The following PFKM variants were observed in gnomAD, a reference collection of about 807,000 sequenced individuals.
The protein encoded by PFKM is phosphofructokinase, muscle.
Under a neutral mutation model 95.5 loss-of-function variants are expected in PFKM, and 58 were observed. That is an observed-to-expected ratio of 0.61 (90% CI 0.49 to 0.76). The LOEUF (loss-of-function observed/expected upper bound fraction) is 0.76, where lower values mean the gene tolerates loss of function less well. Among genes scored for constraint, PFKM ranks in the 30% least tolerant of loss-of-function variants. The pLI is 0.00. For synonymous variants in PFKM, 336 were observed against 357.2 expected, an observed-to-expected ratio of 0.94 and a Z score of 0.67; for missense variants, 678 against 1,005.4, an observed-to-expected ratio of 0.67 and a Z score of 4.40.
intron 4 of PFKM, chr12:48,132,156 A>G (rs77452328): frequency 2.2e-6 from 1 of 449,954 alleles, no homozygotes; most frequent in East Asian, 7.0e-5. Context: ...TCCCAAAGTC[A>G]TGGCTGCCCA....
Position 48,134,814 on chromosome 12 carries a change from T to TCGCC in PFKM, c.733_736dup (p.Arg246ProfsTer20). 6.2e-7 allele frequency: 1 copy of TCGCC among 1,613,902 alleles called. No homozygotes were observed. Among genetic ancestry groups the TCGCC allele is most frequent in the Non-Finnish European group, 8.5e-7 (1 of 1,179,780 alleles). On this transcript the variant is annotated frameshift_variant, in exon 8 of 23. Transcript: ENST00000359794. LOFTEE classifies it high-confidence loss of function. The stretch of plus-strand genomic sequence containing the variant: ...ATGACGACTGGGAGGAACACCTTTG[T>TCGCC]CGCCGACTCAGCGAGGTACTTGCAC...
upstream of PFKM, among the ~76,000 whole-genome samples, chr12:48,117,434 A>G (rs1947770158): frequency 6.6e-6 from 1 of 152,232 alleles, no homozygotes; most frequent in South Asian, 2.1e-4. Context: ...TGACTGTACC[A>G]TTGTGCATTC....
At chr12:48,109,118 G>A (rs2137540368) in intron 3 of PFKM, among the ~76,000 whole-genome samples, 1 of 152,328 alleles carries the variant, frequency 6.6e-6, no homozygotes, top group South Asian at 2.1e-4. Context: ...TTATGATTAA[G>A]GACGGGAGAT....
chr12:48,139,986 A>C, intron 13 of PFKM, 74 bp downstream of exon 13: 1 of 968,516 alleles, frequency 1.0e-6, no homozygotes, highest in Non-Finnish European at 1.7e-6. Context: ...ATGCTACCAC[A>C]GTCCATACAA....
At chr12:48,108,101 A>G in exon 3 of PFKM, 11 of 1,599,486 alleles carry the variant, frequency 6.9e-6, no homozygotes, top group Non-Finnish European at 9.3e-6. Context: ...CAGCATGCTC[A>G]TACCAAAGCC....
intron 3 of PFKM, among the ~76,000 whole-genome samples, chr12:48,131,043 G>A (rs1949426513): frequency 6.6e-6 from 1 of 152,186 alleles, no homozygotes; most frequent in Non-Finnish European, 1.5e-5. Context: ...GGAGGAGATA[G>A]GATGAGCCAA....
At chr12:48,135,695 A>G (rs764404808) in intron 10 of PFKM, among the ~76,000 whole-genome samples, 2 of 152,210 alleles carry the variant, frequency 1.3e-5, no homozygotes, top group African/African-American at 4.8e-5. Context: ...AGAATAATAC[A>G]GAGGTAGTCC....
chr12:48,134,779 T>C lies in PFKM; in HGVS notation c.697T>C (p.Cys233Arg), dbSNP rs1949903763. Reference sequence around the variant, plus strand: ...GGCCGACTGGGTTTTTATTCCTGAATGTCCACCAGATGACGACTGGGAGGA... The same window carrying C: ...GGCCGACTGGGTTTTTATTCCTGAACGTCCACCAGATGACGACTGGGAGGA... Reference protein sequence around the residue: ...CGADWVFIPECPPDDDWEEHL... With the variant: ...CGADWVFIPERPPDDDWEEHL... The change falls in exon 8 of 23, where the codon TGT becomes CGT. Residue 233 changes from cysteine (C) to arginine (R), a missense_variant. Cys to Arg is a radical substitution (Grantham distance 180). Coordinates refer to ENST00000359794, the MANE Select transcript of PFKM (RefSeq NM_000289.6). The C allele has an allele frequency of 1.9e-6, 3 of 1,614,202 alleles. No homozygotes were observed. The highest frequency in any genetic ancestry group is 2.5e-6 in the Non-Finnish European group (3 of 1,180,012).
At chr12:48,139,758 T>G (rs1399175305) in intron 12 of PFKM, 91 bp from the exon 13 acceptor site, 1 of 904,198 alleles carries the variant, frequency 1.1e-6, no homozygotes, top group Admixed American at 1.8e-5. Flanking sequence ...GGAACTTCCC[T>G]CTGGGAGCAA....
chr12:48,141,304 C>T lies in PFKM; in HGVS notation c.1342-7C>T, dbSNP rs1592793920. ...CTTGTGCAGAGCTCTGTGGCTTATC[C>T]CCACAGATAGAGGAAGCTGGCTGGA... On this transcript the variant is annotated splice_region_variant and splice_polypyrimidine_tract_variant and intron_variant, in intron 14 of 22. Transcript: ENST00000359794. The T allele has an allele frequency of 2.5e-6, 4 of 1,613,318 alleles. No individual in the cohort carries two copies. Among genetic ancestry groups the T allele is most frequent in the Non-Finnish European group, 2.5e-6 (3 of 1,179,260 alleles).
At chr12:48,108,338 G>GAGAGAGAGAGAA (rs917224780) in intron 3 of PFKM, 1 of 514,138 alleles carries the variant, frequency 1.9e-6, no homozygotes, top group Admixed American at 3.5e-5. Context: ...GTGTGAAACA[G>GAGAGAGAGAGAA]AGAGAGAGAG....
intron 13 of PFKM, among the ~76,000 whole-genome samples, chr12:48,140,336 C>T (rs1950469937): frequency 1.3e-5 from 2 of 152,214 alleles, no homozygotes; most frequent in Admixed American, 6.5e-5. Context: ...CTGGGCCCCT[C>T]TCTCAGAGGA....
chr12:48,123,686 C>A (rs948243245), intron 2 of PFKM, among the ~76,000 whole-genome samples: 13 of 152,198 alleles, frequency 8.5e-5, no homozygotes, highest in African/African-American at 2.9e-4. Flanking sequence ...CACCACTGTT[C>A]CTAGGCTTTT....
At chr12:48,108,578 T>G (rs1449996170) in intron 3 of PFKM, among the ~76,000 whole-genome samples, 3 of 152,238 alleles carry the variant, frequency 2.0e-5, no homozygotes, top group Admixed American at 1.3e-4. Context: ...GTTGACTAAA[T>G]GAGTTATTAT....
At chr12:48,131,502 G>A in intron 4 of PFKM, 109 bp downstream of exon 4, 1 of 822,312 alleles carries the variant, frequency 1.2e-6, no homozygotes, top group Non-Finnish European at 2.1e-6. Context: ...TTCATGGGAA[G>A]GAATTCAGTG....
Position 48,145,983 on chromosome 12 carries a change from G to C in PFKM, c.*275G>C, listed in dbSNP as rs1951013570. 4.5e-6 allele frequency: 2 copies of C among 444,088 alleles called. No homozygotes were observed. The highest frequency in any genetic ancestry group is 6.0e-5 in the South Asian group (2 of 33,552). 27.5% of individuals were successfully genotyped at this position (444,088 alleles called of 1,614,324 possible). A position where few individuals can be genotyped will look rare whatever the true frequency, so the allele number is the denominator to read the frequency against. On this transcript the variant is annotated 3_prime_UTR_variant, in exon 23 of 23. Transcript: ENST00000359794. The surrounding 1 kb of genome is among the most constrained non-coding windows in gnomAD (Gnocchi z 4.3). ...CTGCTAGATATCACTTACTCAGTTA[G>C]AATTTTCCTAAAAATAAGCTTTATT...
intron 1 of PFKM, among the ~76,000 whole-genome samples, chr12:48,106,860 T>G (rs1265355349): frequency 6.6e-6 from 1 of 152,140 alleles, no homozygotes; most frequent in Non-Finnish European, 1.5e-5. Flanking sequence ...TGGGTAGAGA[T>G]AGAGAAGGAC....
chr12:48,137,726 C>G lies in PFKM; in HGVS notation c.942C>G (p.Ser314Arg). 6.2e-7 allele frequency: 1 copy of G among 1,614,114 alleles called. No homozygotes were observed. Among genetic ancestry groups the G allele is most frequent in the South Asian group, 1.1e-5 (1 of 91,084 alleles). ...TPSAFDRILG[S>R]RMGVEAVMAL... is the part of the protein sequence containing the mutation. ...TGTTCTCTGGGCTCCTGCAGGGCAG[C>G]AGGATGGGTGTGGAAGCAGTGATGG... Residue 314 changes from serine to arginine, a missense_variant, in exon 11 of 23, where the codon AGC becomes AGG. Ser to Arg is a moderately radical substitution (Grantham distance 110). Transcript: ENST00000359794.
exon 3 of PFKM, chr12:48,108,126 A>T (rs1216718797): frequency 6.3e-7 from 1 of 1,599,138 alleles, no homozygotes; most frequent in African/African-American, 1.3e-5. Context: ...CCAAAGACAG[A>T]CATCTTGAAG....
Sources: gnomAD v4.1 joint callset for allele counts (sites outside exome capture counted in the v4.1 genomes callset) on GRCh38, gnomAD v4.1.1 for gene constraint, Gnocchi (gnomAD v3.1) non-coding constraint, MANE v1.5 for transcripts, NCBI Gene and HGNC (gene_info 2026-07-23, HGNC 2026-07-21) for gene names.